Variants in MALRD1 observed in about 807,000 individuals in gnomAD.
The protein encoded by MALRD1 is MAM and LDL receptor class A domain containing 1, also known as MAM and LDL-receptor class A domain-containing protein 1.
In MALRD1, 247 loss-of-function variants were observed where a neutral mutation model predicts 242.1. That is an observed-to-expected ratio of 1.02 (90% CI 0.92 to 1.13). The LOEUF is 1.13. MALRD1 is among the 50% of genes most tolerant of loss of function. The pLI is 0.00. For missense variants in MALRD1, 2,989 were observed against 2,533.1 expected (o/e 1.18, Z -3.86); for synonymous variants, 995 against 866.6 (o/e 1.15, Z -2.60).
chr10:19,720,712 T>G (rs536717191), intron 38 of MALRD1, among the ~76,000 whole-genome samples: 1 of 152,288 alleles, frequency 6.6e-6, no homozygotes, highest in Admixed American at 6.5e-5. Context: ...GCTATTTTTT[T>G]TATAAAATGC....
intron 17 of MALRD1, among the ~76,000 whole-genome samples, chr10:19,208,488 G>A (rs1836888527): frequency 6.6e-6 from 1 of 152,106 alleles, no homozygotes; most frequent in Non-Finnish European, 1.5e-5. Flanking sequence ...ATCTGGATTC[G>A]AGAAGGAAGT....
At chr10:19,367,304 A>C (rs1327892876) in intron 26 of MALRD1, among the ~76,000 whole-genome samples, 2 of 151,926 alleles carry the variant, frequency 1.3e-5, no homozygotes, top group African/African-American at 4.8e-5. Context: ...CCTCTGTTCT[A>C]CTGTTTACTT....
At chr10:19,544,988 A>G (rs999342769) in intron 32 of MALRD1, among the ~76,000 whole-genome samples, 2 of 152,152 alleles carry the variant, frequency 1.3e-5, no homozygotes, top group African/African-American at 2.4e-5. Context: ...ACAAGATACC[A>G]TGACTGGGTG....
Position 19,431,311 on chromosome 10 carries a change from CT to C in MALRD1, c.4846-18988del, listed in dbSNP as rs564224735. On this transcript the variant is annotated intron_variant, in intron 28 of 39. Transcript: ENST00000454679. ...AGGTTCATTTTTTAGGTTTATACTT[CT>C]TTTTTTTCAGTATATCTTTCTAATT... Among the ~76,000 whole-genome samples, 5 of 151,876 alleles carry C rather than the reference CT, an allele frequency of 3.3e-5. No individual in the cohort carries two copies. The South Asian group carries it at 6.2e-4, about 19-fold the overall frequency.
intron 32 of MALRD1, among the ~76,000 whole-genome samples, chr10:19,544,262 A>G (rs1274968457): frequency 2.6e-5 from 4 of 151,886 alleles, no homozygotes; most frequent in Non-Finnish European, 5.9e-5. Flanking sequence ...TGATCTTGGC[A>G]CTGCAACTTC....
chr10:19,460,700 G>T (rs532046444), intron 29 of MALRD1, among the ~76,000 whole-genome samples: 6 of 152,216 alleles, frequency 3.9e-5, no homozygotes, highest in African/African-American at 1.4e-4. Flanking sequence ...AACAGTGGGG[G>T]TGGATGGGAG....
At chr10:19,525,605 C>G (rs1353554216) in intron 31 of MALRD1, among the ~76,000 whole-genome samples, 1 of 152,096 alleles carries the variant, frequency 6.6e-6, no homozygotes, top group African/African-American at 2.4e-5. Flanking sequence ...TATTCATTGC[C>G]TAATTGTAGC....
intron 38 of MALRD1, among the ~76,000 whole-genome samples, chr10:19,715,565 A>T (rs1320061284): frequency 1.3e-5 from 2 of 152,138 alleles, no homozygotes; most frequent in African/African-American, 4.8e-5. Flanking sequence ...GTAAATAAGT[A>T]TTTACTCATA....
chr10:19,265,036 A>G (rs1839916808), intron 19 of MALRD1, among the ~76,000 whole-genome samples: 1 of 152,134 alleles, frequency 6.6e-6, no homozygotes, highest in Admixed American at 6.6e-5. Flanking sequence ...TTCTTGGAGT[A>G]TAATTGTTCA....
intron 36 of MALRD1, among the ~76,000 whole-genome samples, chr10:19,691,866 A>G (rs1282109631): frequency 2.6e-5 from 4 of 152,132 alleles, no homozygotes; most frequent in African/African-American, 9.6e-5. Context: ...ATTTATGGTA[A>G]TGTAAAATTT....
intron 14 of MALRD1, among the ~76,000 whole-genome samples, chr10:19,178,151 A>G (rs977024286): frequency 2.6e-5 from 4 of 152,176 alleles, no homozygotes; most frequent in African/African-American, 9.7e-5. Context: ...CTTTTCTTAA[A>G]TTCACTCAGG....
intron 36 of MALRD1, among the ~76,000 whole-genome samples, chr10:19,619,258 G>GT (rs1839301084): frequency 6.6e-6 from 1 of 151,952 alleles, no homozygotes; most frequent in South Asian, 2.1e-4. Flanking sequence ...CATAGGTGAT[G>GT]TTTTTTTCTG....
intron 33 of MALRD1, among the ~76,000 whole-genome samples, chr10:19,578,427 C>A (rs556445858): frequency 1.2e-4 from 18 of 152,270 alleles, no homozygotes; most frequent in East Asian, 7.7e-4. Flanking sequence ...TACAGTGGCT[C>A]ATGCCTGTAA....
At chr10:19,205,305 GA>G in intron 17 of MALRD1, 40 bp downstream of exon 17, 1 of 1,498,554 alleles carries the variant, frequency 6.7e-7, no homozygotes, top group Non-Finnish European at 8.9e-7. Flanking sequence ...TTCTCATTTT[GA>G]AAGTGTTGAC....
At chr10:19,270,366 A>T (rs1840170680) in intron 19 of MALRD1, among the ~76,000 whole-genome samples, 1 of 151,168 alleles carries the variant, frequency 6.6e-6, no homozygotes, top group African/African-American at 2.4e-5. Flanking sequence ...ACACACACAC[A>T]CACACACACA....
chr10:19,378,811 T>C (rs61273606), intron 26 of MALRD1, among the ~76,000 whole-genome samples: 8,290 of 152,170 alleles, frequency 0.054, 455 homozygotes, highest in African/African-American at 0.14. Flanking sequence ...ATTAGAGTAA[T>C]ATTGACATCA....
intron 26 of MALRD1, among the ~76,000 whole-genome samples, chr10:19,377,586 A>T (rs962344838): frequency 3.3e-5 from 5 of 152,074 alleles, no homozygotes; most frequent in Non-Finnish European, 5.9e-5. Context: ...AAGATACATA[A>T]AATTCTTATA....
intron 21 of MALRD1, among the ~76,000 whole-genome samples, chr10:19,301,497 A>G (rs575716298): frequency 1.3e-5 from 2 of 152,052 alleles, no homozygotes; most frequent in Non-Finnish European, 2.9e-5. Context: ...GATAGAGAAA[A>G]TGTACATATA....
intron 31 of MALRD1, among the ~76,000 whole-genome samples, chr10:19,500,814 C>A (rs1197349092): frequency 1.3e-5 from 2 of 152,054 alleles, no homozygotes; most frequent in Non-Finnish European, 2.9e-5. Context: ...TTTATATGTT[C>A]CTTCCTTCAT....
Sources: allele counts gnomAD v4.1 joint callset (sites outside exome capture counted in the v4.1 genomes callset), GRCh38; gene constraint gnomAD v4.1.1; transcripts MANE v1.5; gene names NCBI Gene and HGNC (gene_info 2026-07-23, HGNC 2026-07-21).